Variants in DCAF8 observed in about 807,000 individuals in gnomAD.
The protein encoded by DCAF8 is DDB1 and CUL4 associated factor 8.
DCAF8 carries 20 observed loss-of-function variants against 68.0 expected under a neutral mutation model. The ratio of observed to expected loss-of-function variants is 0.29; its 90% CI spans 0.21 to 0.43. The LOEUF (loss-of-function observed/expected upper bound fraction) is 0.43. DCAF8 is among the 20% of genes least tolerant of loss of function. The pLI, the probability that DCAF8 is intolerant of heterozygous loss-of-function variation, is 1.00. For synonymous variants in DCAF8, 230 were observed against 276.9 expected, an observed-to-expected ratio of 0.83 and a Z score of 1.68; for missense variants, 460 against 771.0, an observed-to-expected ratio of 0.60 and a Z score of 4.78.
At position 160,240,195 on chromosome 1, in the gene DCAF8, A is replaced by G; in HGVS notation, c.225T>C (p.Asp75=). The G allele has an allele frequency of 6.2e-7, 1 of 1,613,990 alleles. No individual in the cohort carries two copies. The highest frequency in any genetic ancestry group is 8.5e-7 in the Non-Finnish European group (1 of 1,179,982). ...TGTCCTCCATGCTGTCAGAGTCCTTATCTTCACCTGAGCTCTCTGTGTCTG... is the reference window on the plus strand; with the variant it reads ...TGTCCTCCATGCTGTCAGAGTCCTTGTCTTCACCTGAGCTCTCTGTGTCTG... ...RGTDTESSGE[D]KDSDSMEDTG... is the part of the protein sequence containing the mutation. The change falls in exon 4 of 14, where the codon GAT becomes GAC. Residue 75 remains aspartate, a synonymous_variant. Transcript: ENST00000368074.
At chr1:160,248,605 C>T (rs371456521) in intron 2 of DCAF8, among the ~76,000 whole-genome samples, 2 of 151,132 alleles carry the variant, frequency 1.3e-5, no homozygotes, top group East Asian at 2.0e-4. Context: ...CATGATGGTG[C>T]GTGCCTGTAA....
Position 160,231,562 on chromosome 1 carries a change from C to T in DCAF8, c.960-155G>A, listed in dbSNP as rs74125517. Among the ~76,000 whole-genome samples the T allele has an allele frequency of 0.041, 6,203 of 152,082 alleles. 430 individuals are homozygous for T. Among genetic ancestry groups the T allele is most frequent in the African/African-American group, 0.14 (5,904 of 41,436 alleles). Reference sequence around the variant, plus strand: ...TTGTGTTTTCTCTGTTTGTTTTGTACGTAACAACAGGAAAAAAGCACATAC... The same window carrying T: ...TTGTGTTTTCTCTGTTTGTTTTGTATGTAACAACAGGAAAAAAGCACATAC... On this transcript the variant is annotated intron_variant, in intron 6 of 13. Coordinates refer to ENST00000368074, the MANE Select transcript of DCAF8 (RefSeq NM_015726.4).
intron 5 of DCAF8, among the ~76,000 whole-genome samples, chr1:160,237,776 G>C (rs933934339): frequency 2.0e-4 from 30 of 152,096 alleles, no homozygotes; most frequent in Admixed American, 1.9e-3. Flanking sequence ...CTGGCCTCAA[G>C]CAGTCCTCCC....
chr1:160,254,931 T>A (rs989991285), intron 2 of DCAF8, among the ~76,000 whole-genome samples: 2 of 152,244 alleles, frequency 1.3e-5, no homozygotes, highest in African/African-American at 2.4e-5. Flanking sequence ...TAAAATGGGA[T>A]AATATTACCA....
At chr1:160,223,643 T>C (rs1461817481) in intron 10 of DCAF8, among the ~76,000 whole-genome samples, 1 of 152,206 alleles carries the variant, frequency 6.6e-6, no homozygotes, top group Non-Finnish European at 1.5e-5. Flanking sequence ...TGGTGGCTCA[T>C]GCCCAGCACT....
At chr1:160,238,482 G>T in intron 5 of DCAF8, 125 bp downstream of exon 5, 2 of 1,074,852 alleles carry the variant, frequency 1.9e-6, no homozygotes, top group Non-Finnish European at 2.6e-6. Context: ...CAAATCTTAG[G>T]ACTGAAAGAG....
At chr1:160,237,706 T>G (rs1286374631) in intron 5 of DCAF8, among the ~76,000 whole-genome samples, 1 of 152,006 alleles carries the variant, frequency 6.6e-6, no homozygotes, top group Non-Finnish European at 1.5e-5. Context: ...TTTTCGCTTT[T>G]TTTTTGTTTG....
intron 6 of DCAF8, among the ~76,000 whole-genome samples, chr1:160,233,683 T>C (rs1258073449): frequency 6.6e-6 from 1 of 152,138 alleles, no homozygotes; most frequent in Non-Finnish European, 1.5e-5. Context: ...AAAGTTACCA[T>C]GTGGAAGCAA....
At chr1:160,250,757 T>C (rs1411789436) in intron 2 of DCAF8, among the ~76,000 whole-genome samples, 1 of 152,204 alleles carries the variant, frequency 6.6e-6, no homozygotes. Flanking sequence ...TCTACAACCC[T>C]ATTGTCTTGG....
intron 7 of DCAF8, among the ~76,000 whole-genome samples, chr1:160,229,845 G>A (rs1655611418): frequency 1.3e-5 from 2 of 152,124 alleles, no homozygotes; most frequent in South Asian, 4.1e-4. Flanking sequence ...AACACGGTGA[G>A]ACCTCGGTTC....
At chr1:160,250,487 C>T (rs959715683) in intron 2 of DCAF8, among the ~76,000 whole-genome samples, 4 of 94,590 alleles carry the variant, frequency 4.2e-5, no homozygotes, top group Admixed American at 4.2e-4. Flanking sequence ...AAAAAAAAAA[C>T]AGGATGAGAG....
At chr1:160,246,020 C>G (rs556134067) in intron 2 of DCAF8, among the ~76,000 whole-genome samples, 2 of 152,198 alleles carry the variant, frequency 1.3e-5, no homozygotes, top group African/African-American at 4.8e-5. Flanking sequence ...TGCCTGTAAT[C>G]CCAGCTACTA....
At chr1:160,246,557 G>A (rs1465870022) in intron 2 of DCAF8, among the ~76,000 whole-genome samples, 1 of 152,186 alleles carries the variant, frequency 6.6e-6, no homozygotes, top group Non-Finnish European at 1.5e-5. Flanking sequence ...CTACTCAGAA[G>A]GCTGAGAAAG....
chr1:160,239,580 T>C (rs1656020410), intron 4 of DCAF8, 117 bp downstream of exon 4: 1 of 1,602,962 alleles, frequency 6.2e-7, no homozygotes, highest in Non-Finnish European at 8.5e-7. Context: ...AGTAGGGCCA[T>C]GTCCCGATAT....
At chr1:160,224,212 T>C (rs745334092) in intron 10 of DCAF8, among the ~76,000 whole-genome samples, 1 of 152,248 alleles carries the variant, frequency 6.6e-6, no homozygotes, top group Non-Finnish European at 1.5e-5. Context: ...AGCCTCCTTA[T>C]GTCCAAACCA....
At chr1:160,239,613 A>G (rs780165292) in intron 4 of DCAF8, 84 bp downstream of exon 4, 34 of 1,613,382 alleles carry the variant, frequency 2.1e-5, no homozygotes, top group African/African-American at 2.7e-5. Flanking sequence ...ATAACTCACT[A>G]TCAGCTCCCA....
At position 160,222,890 on chromosome 1, in the gene DCAF8, T is replaced by C. The variant is rs530859970; in HGVS notation, c.1310-109A>G. On this transcript the variant is annotated intron_variant, in intron 10 of 13. Coordinates refer to ENST00000368074, the MANE Select transcript of DCAF8 (RefSeq NM_015726.4). ...CACAAACTCTAAATCAGCTAGATTA[T>C]GCATGTTTAACAGATAGTTATAGGA... 1.8e-4 allele frequency: 266 copies of C among 1,461,446 alleles called. 1 individual carries two copies. In the African/African-American group the frequency reaches 3.4e-3, roughly 19 times the overall value. The allele number at this position is 1,461,446 out of a possible 1,614,324, so 90.5% of individuals were successfully genotyped here.
rs76573195 is a variant in DCAF8, at chr1:160,217,533, G to C, written c.*59C>G. The C allele has an allele frequency of 2.3e-3, 2,985 of 1,292,970 alleles. 69 individuals are homozygous for C. The African/African-American group carries it at 0.04, about 17-fold the overall frequency. The allele number at this position is 1,292,970 out of a possible 1,614,324, so 80.1% of individuals were successfully genotyped here. ...TGAATGTAGGGCCTGGGACAGGAAAGGGTTGCCCAGGCAGGATCAGGTTGG... is the reference window on the plus strand; with the variant it reads ...TGAATGTAGGGCCTGGGACAGGAAACGGTTGCCCAGGCAGGATCAGGTTGG... On this transcript the variant is annotated 3_prime_UTR_variant, in exon 14 of 14. Coordinates refer to ENST00000368074, the MANE Select transcript of DCAF8 (RefSeq NM_015726.4).
At chr1:160,240,731 G>A (rs1362551704) in intron 3 of DCAF8, among the ~76,000 whole-genome samples, 1 of 152,154 alleles carries the variant, frequency 6.6e-6, no homozygotes, top group Non-Finnish European at 1.5e-5. Context: ...TTAAGTTATA[G>A]CAAATAATTA....
Sources: gnomAD v4.1 joint callset for allele counts (sites outside exome capture counted in the v4.1 genomes callset) on GRCh38, gnomAD v4.1.1 for gene constraint, MANE v1.5 for transcripts, NCBI Gene and HGNC (gene_info 2026-07-23, HGNC 2026-07-21) for gene names.